MLLT1: variants seen among roughly 807,000 people sequenced by gnomAD.
MLLT1 encodes the protein protein ENL.
In MLLT1, 11 loss-of-function variants were observed where a neutral mutation model predicts 55.1. The observed-to-expected ratio is 0.20, with a 90% CI of 0.13 to 0.33. MLLT1 has a LOEUF of 0.33. Ranked by LOEUF, MLLT1 falls within the 10% of genes least tolerant of loss-of-function variation. The pLI is 1.00. For synonymous variants in MLLT1, 323 were observed against 320.1 expected (o/e 1.01, Z -0.10); for missense variants, 536 against 760.6 (o/e 0.70, Z 3.47).
At chr19:6,246,777 GGCA>G in intron 3 of MLLT1, among the ~76,000 whole-genome samples, 1 of 152,112 alleles carries the variant, frequency 6.6e-6, no homozygotes, top group Admixed American at 6.6e-5. Flanking sequence ...TAACCGGATG[GGCA>G]GAGGGGGCAG....
intron 3 of MLLT1, among the ~76,000 whole-genome samples, chr19:6,239,216 G>C (rs1200455925): frequency 6.6e-6 from 1 of 152,216 alleles, no homozygotes; most frequent in African/African-American, 2.4e-5. Context: ...ACACAGTCCG[G>C]CAAGAAAGCA....
chr19:6,249,956 G>A (rs1409338782), intron 3 of MLLT1, among the ~76,000 whole-genome samples: 1 of 152,004 alleles, frequency 6.6e-6, no homozygotes, highest in Admixed American at 6.6e-5. Flanking sequence ...GAGAGGTGGA[G>A]TCTGCAATGA....
intron 7 of MLLT1, 173 bp from the exon 8 acceptor site, chr19:6,216,686 G>A: frequency 1.7e-6 from 1 of 576,378 alleles, no homozygotes; most frequent in Non-Finnish European, 3.1e-6. Flanking sequence ...CCCCACACCG[G>A]CAGCCACCCG....
At chr19:6,253,764 T>A (rs1428687186) in intron 3 of MLLT1, among the ~76,000 whole-genome samples, 4 of 152,160 alleles carry the variant, frequency 2.6e-5, no homozygotes, top group Admixed American at 2.6e-4. Context: ...TAAGAGCATG[T>A]GACAAAACTC....
intron 6 of MLLT1, among the ~76,000 whole-genome samples, 193 bp downstream of exon 6, chr19:6,221,928 T>C (rs1242758125): frequency 1.3e-5 from 2 of 152,168 alleles, no homozygotes; most frequent in East Asian, 1.9e-4. Context: ...AGGCAGACTT[T>C]ATCACCTGAC....
rs1000212101 is a variant in MLLT1 at position 6,211,357 on chromosome 19, C to T, written c.*1685G>A. The T allele has an allele frequency of 4.3e-5, 10 of 233,618 alleles. No homozygotes were observed. The highest frequency in any genetic ancestry group is 5.9e-5 in the Non-Finnish European group (7 of 118,300). 14.5% of individuals were successfully genotyped at this position (233,618 alleles called of 1,614,324 possible). A position where few individuals can be genotyped will look rare whatever the true frequency, so the allele number is the denominator to read the frequency against. ...GGTGGCGAGGAGTCCCGGAGGCTTC[C>T]TCCGAAGGTTCTCGGGCCTTTCCCC... On this transcript the variant is annotated 3_prime_UTR_variant, in exon 12 of 12. Coordinates refer to ENST00000252674, the MANE Select transcript of MLLT1 (RefSeq NM_005934.4). The surrounding 1 kb of genome is among the most constrained non-coding windows in gnomAD (Gnocchi z 4.6).
chr19:6,213,680 C>A, intron 10 of MLLT1, 46 bp downstream of exon 10: 3 of 1,056,400 alleles, frequency 2.8e-6, no homozygotes, highest in South Asian at 1.3e-5. Flanking sequence ...ACTCCCACCA[C>A]CCACCCCTCC....
chr19:6,222,111 A>C lies in MLLT1; in HGVS notation c.1110+10T>G. ...TGCACCTGGCTGCCCTGCCCCCAGC[A>C]CTCACTCACCTCGGACTTGAAGGAG... On this transcript the variant is annotated intron_variant, in intron 6 of 11. Coordinates refer to ENST00000252674, the MANE Select transcript of MLLT1 (RefSeq NM_005934.4). The surrounding 1 kb of genome is among the most constrained non-coding windows in gnomAD (Gnocchi z 4.1). 1 of 1,495,862 alleles carries C rather than the reference A, an allele frequency of 6.7e-7. No homozygotes were observed. The highest frequency in any genetic ancestry group is 8.9e-7 in the Non-Finnish European group (1 of 1,120,564). The allele number at this position is 1,495,862 out of a possible 1,614,324, so 92.7% of individuals were successfully genotyped here.
intron 3 of MLLT1, among the ~76,000 whole-genome samples, chr19:6,242,692 G>A (rs1265372263): frequency 6.6e-6 from 1 of 152,146 alleles, no homozygotes; most frequent in Non-Finnish European, 1.5e-5. Flanking sequence ...GGAATCTGGC[G>A]TCAGGGGCAG....
rs2090772026 is a variant in MLLT1, at chr19:6,211,563, C to T, written c.*1479G>A. 7 of 1,052,372 alleles carry T rather than the reference C, an allele frequency of 6.7e-6. No homozygotes were observed. The East Asian group carries it at 1.5e-4, about 23-fold the overall frequency. 65.2% of individuals were successfully genotyped at this position (1,052,372 alleles called of 1,614,324 possible). ...AACTCATAGGCTGGGGAGGAGGAGA[C>T]ATCTAGGTGGGTTCGAGGGGGTGCG... On this transcript the variant is annotated 3_prime_UTR_variant, in exon 12 of 12. Transcript: ENST00000252674. This position sits in a 1 kb window ranked among gnomAD's most constrained non-coding sequence, Gnocchi z 4.6.
intron 3 of MLLT1, among the ~76,000 whole-genome samples, chr19:6,248,197 G>A (rs1374141613): frequency 6.6e-6 from 1 of 152,106 alleles, no homozygotes; most frequent in Non-Finnish European, 1.5e-5. Context: ...CTGAGATTTT[G>A]GAGCATTTTT....
chr19:6,232,451 G>A (rs1388367411), intron 3 of MLLT1, among the ~76,000 whole-genome samples: 1 of 152,200 alleles, frequency 6.6e-6, no homozygotes, highest in Non-Finnish European at 1.5e-5. Context: ...ATGGATCAGA[G>A]ACCTGGACGT....
At chr19:6,247,087 C>T (rs555505161) in intron 3 of MLLT1, among the ~76,000 whole-genome samples, 3 of 152,184 alleles carry the variant, frequency 2.0e-5, no homozygotes, top group South Asian at 2.1e-4. Context: ...CTGGGGAAGG[C>T]GTGAATGAGC....
chr19:6,224,863 G>A (rs889716938), intron 5 of MLLT1, among the ~76,000 whole-genome samples: 1 of 152,166 alleles, frequency 6.6e-6, no homozygotes, highest in African/African-American at 2.4e-5. Flanking sequence ...CCGAGTAGCT[G>A]GGATTACAGG....
At chr19:6,248,730 GA>G (rs932992416) in intron 3 of MLLT1, among the ~76,000 whole-genome samples, 1 of 152,146 alleles carries the variant, frequency 6.6e-6, no homozygotes, top group Admixed American at 6.5e-5. Context: ...AACATGAATT[GA>G]AAACTGGGAA....
chr19:6,247,087 C>G (rs555505161), intron 3 of MLLT1, among the ~76,000 whole-genome samples: 1 of 152,066 alleles, frequency 6.6e-6, no homozygotes, highest in African/African-American at 2.4e-5. Context: ...CTGGGGAAGG[C>G]GTGAATGAGC....
intron 2 of MLLT1, among the ~76,000 whole-genome samples, chr19:6,266,878 G>C (rs2091352958): frequency 6.6e-6 from 1 of 152,150 alleles, no homozygotes; most frequent in Admixed American, 6.5e-5. Context: ...AAAGGCCCAG[G>C]GTAGTGGCTA....
In MLLT1 at chr19:6,256,220, G is replaced by GATAAATAAATAA. The variant is rs200816706; in HGVS notation, c.276+5996_276+6007dup. On this transcript the variant is annotated intron_variant, in intron 3 of 11. Coordinates refer to ENST00000252674, the MANE Select transcript of MLLT1 (RefSeq NM_005934.4). This position sits in a 1 kb window ranked among gnomAD's most constrained non-coding sequence, Gnocchi z 4.1. The stretch of plus-strand genomic sequence containing the variant: ...CAAGAGCGAAACTCTGTCTCAAAAA[G>GATAAATAAATAA]ATAAATAAATAAATAAATAAATAAA... Among the ~76,000 whole-genome samples, 3,238 of 142,000 alleles carry GATAAATAAATAA rather than the reference G, an allele frequency of 0.023. 82 individuals carry two copies. The highest frequency in any genetic ancestry group is 0.057 in the African/African-American group (2,094 of 36,690). 93.2% of individuals were successfully genotyped at this position (142,000 alleles called of 152,430 possible). A position where few individuals can be genotyped will look rare whatever the true frequency, so the allele number is the denominator to read the frequency against.
At position 6,256,647 on chromosome 19, in the gene MLLT1, G is replaced by A. The variant is rs575357321; in HGVS notation, c.276+5581C>T. ...CGGGCACCTGTAGTCCCAGCTACTC[G>A]GGAGGCTGAGGCAGGAGAATGGTGT... On this transcript the variant is annotated intron_variant, in intron 3 of 11. Transcript: ENST00000252674. The surrounding 1 kb of genome is among the most constrained non-coding windows in gnomAD (Gnocchi z 4.1). Among the ~76,000 whole-genome samples the A allele has an allele frequency of 1.1e-4, 16 of 151,706 alleles. No homozygotes were observed. Among genetic ancestry groups the A allele is most frequent in the Non-Finnish European group, 2.2e-4 (15 of 67,892 alleles).
Sources: gnomAD v4.1 joint callset for allele counts (sites outside exome capture counted in the v4.1 genomes callset) on GRCh38, gnomAD v4.1.1 for gene constraint, Gnocchi (gnomAD v3.1) non-coding constraint, MANE v1.5 for transcripts, NCBI Gene and HGNC (gene_info 2026-07-23, HGNC 2026-07-21) for gene names.